BTBD18: variants seen among roughly 807,000 people sequenced by gnomAD.
The protein encoded by BTBD18 is BTB/POZ domain-containing protein 18.
For synonymous variants in BTBD18, 311 were observed against 324.4 expected (o/e 0.96, Z 0.44); for missense variants, 787 against 846.3 (o/e 0.93, Z 0.87).
intron 2 of BTBD18, among the ~76,000 whole-genome samples, chr11:57,750,241 G>T (rs938955489): frequency 1.3e-5 from 2 of 152,084 alleles, no homozygotes; most frequent in Non-Finnish European, 2.9e-5. Flanking sequence ...TCCGGGTGTG[G>T]TGGCACGCAC....
In BTBD18 at chr11:57,745,370, CCT is replaced by C; in HGVS notation, c.901_902del (p.Arg301GlufsTer4). The C allele has an allele frequency of 6.4e-7, 1 of 1,551,694 alleles. No individual in the cohort carries two copies. Among genetic ancestry groups the C allele is most frequent in the Non-Finnish European group, 8.7e-7 (1 of 1,146,992 alleles). Reference protein sequence around the residue: ...ATPGRRLWRQRSVNKETPEDK... With the variant: ...ATPGRRLWRQXSVNKETPEDK... ...CCTCTGGTGTTTCTTTATTTACACT[CCT>C]CTGCCGCCAAAGACGCCGGCCAGGG... On this transcript the variant is annotated frameshift_variant, in exon 3 of 3. Coordinates refer to ENST00000422652, the MANE Select transcript of BTBD18 (RefSeq NM_001145101.3). LOFTEE classifies it low-confidence loss of function (END_TRUNC).
At chr11:57,752,552 G>C (rs1335160657), upstream of BTBD18, among the ~76,000 whole-genome samples, 1 of 152,024 alleles carries the variant, frequency 6.6e-6, no homozygotes, top group Non-Finnish European at 1.5e-5. Flanking sequence ...TCCCATCCCA[G>C]TGAGAGAGAT....
chr11:57,746,765 C>T (rs1949201961), intron 2 of BTBD18, among the ~76,000 whole-genome samples: 1 of 131,974 alleles, frequency 7.6e-6, no homozygotes, highest in African/African-American at 2.8e-5. Context: ...GAGTCCAGGG[C>T]TTTGAGGCTA....
At position 57,744,029 on chromosome 11, in the gene BTBD18, C is replaced by G; in HGVS notation, c.*105G>C. On this transcript the variant is annotated 3_prime_UTR_variant, in exon 3 of 3. Coordinates refer to ENST00000422652, the MANE Select transcript of BTBD18 (RefSeq NM_001145101.3). ...GGACCTACAAAGAGCCAGGGTACACCTGCCTCTTGTGCTGAGGGCACGTGC... is the reference window on the plus strand; with the variant it reads ...GGACCTACAAAGAGCCAGGGTACACGTGCCTCTTGTGCTGAGGGCACGTGC... 1.2e-6 allele frequency: 1 copy of G among 823,092 alleles called. No homozygotes were observed. The highest frequency in any genetic ancestry group is 2.7e-5 in the East Asian group (1 of 37,282). The allele number at this position is 823,092 out of a possible 1,614,324, so 51.0% of individuals were successfully genotyped here.
intron 2 of BTBD18, among the ~76,000 whole-genome samples, chr11:57,749,289 C>G (rs181442172): frequency 6.6e-6 from 1 of 152,298 alleles, no homozygotes; most frequent in East Asian, 1.9e-4. Flanking sequence ...GTTTAGCATA[C>G]AACAGGCAAC....
In BTBD18 at chr11:57,745,883, C is replaced by T; in HGVS notation, c.390G>A (p.Leu130=). 1.3e-6 allele frequency: 2 copies of T among 1,551,646 alleles called. No individual in the cohort carries two copies. The highest frequency in any genetic ancestry group is 1.7e-6 in the Non-Finnish European group (2 of 1,146,988). ...LESLQLEGGK[L]VKAPQGRRLN... is the part of the protein sequence containing the mutation. ...GCCTTCGGCCCTGTGGGGCCTTCAC[C>T]AACTTTCCACCCTCAAGCTGAAGGG... Residue 130 remains leucine (L), a synonymous_variant, in exon 3 of 3, where the codon TTG becomes TTA. Coordinates refer to ENST00000422652, the MANE Select transcript of BTBD18 (RefSeq NM_001145101.3).
chr11:57,747,862 C>A (rs1365013721), intron 2 of BTBD18, among the ~76,000 whole-genome samples: 1 of 152,164 alleles, frequency 6.6e-6, no homozygotes, highest in African/African-American at 2.4e-5. Context: ...CACAGTGACA[C>A]AATCATAGCT....
Position 57,745,015 on chromosome 11 carries a change from A to T in BTBD18, c.1258T>A (p.Ser420Thr). 1 of 1,551,532 alleles carries T rather than the reference A, an allele frequency of 6.4e-7. No homozygotes were observed. The highest frequency in any genetic ancestry group is 8.7e-7 in the Non-Finnish European group (1 of 1,146,934). The change falls in exon 3 of 3, where the codon TCC becomes ACC. Residue 420 changes from serine to threonine, a missense_variant. Ser to Thr is a moderately conservative substitution (Grantham distance 58). Coordinates refer to ENST00000422652, the MANE Select transcript of BTBD18 (RefSeq NM_001145101.3). ...TCTTGTAGCTTAGTGCACATGGGGGAGTCCTGACACAGTTCTGTTCTAGTA... is the reference window on the plus strand; with the variant it reads ...TCTTGTAGCTTAGTGCACATGGGGGTGTCCTGACACAGTTCTGTTCTAGTA... The part of the protein sequence containing the change: ...SPTRTELCQD[S>T]PMCTKLQDIL...
chr11:57,744,799 T>C lies in BTBD18; in HGVS notation c.1474A>G (p.Ser492Gly). The C allele has an allele frequency of 6.4e-7, 1 of 1,551,748 alleles. No individual in the cohort carries two copies. The highest frequency in any genetic ancestry group is 2.4e-5 in the East Asian group (1 of 40,924). ...EYRITSAAAT[S>G]ELEEILDFML... ...AAGTCCAGGATCTCCTCCAGCTCAC[T>C]GGTGGCAGCAGCACTTGTGATTCGG... The change falls in exon 3 of 3, where the codon AGT becomes GGT. Residue 492 changes from serine to glycine, a missense_variant. Ser to Gly is a moderately conservative substitution (Grantham distance 56, BLOSUM62 0). Coordinates refer to ENST00000422652, the MANE Select transcript of BTBD18 (RefSeq NM_001145101.3).
intron 2 of BTBD18, among the ~76,000 whole-genome samples, chr11:57,747,259 C>T (rs1416909538): frequency 1.3e-5 from 2 of 152,190 alleles, no homozygotes; most frequent in African/African-American, 4.8e-5. Flanking sequence ...AGATCCATAC[C>T]TCTGCCTAGA....
rs989275426 is a variant in BTBD18, at chr11:57,744,273, G to A, written c.2000C>T (p.Ser667Leu). ...TTCCTCTTCAGAGCTGGCAGGAAGT[G>A]AGCCTAGTAGTTCAGAGTGACCAGA... ...EVSGHSELLG[S>L]LPASSEEEEI... Residue 667 changes from serine (S) to leucine (L), a missense_variant, in exon 3 of 3, where the codon TCA (serine) becomes TTA (leucine). Coordinates refer to ENST00000422652, the MANE Select transcript of BTBD18 (RefSeq NM_001145101.3). 3 of 1,551,596 alleles carry A rather than the reference G, an allele frequency of 1.9e-6. No individual in the cohort carries two copies. The highest frequency in any genetic ancestry group is 2.7e-5 in the African/African-American group (2 of 73,052).
intron 2 of BTBD18, among the ~76,000 whole-genome samples, chr11:57,749,528 C>T (rs1473123773): frequency 1.3e-5 from 2 of 152,028 alleles, no homozygotes; most frequent in African/African-American, 4.8e-5. Flanking sequence ...GCAGGTGGAT[C>T]ACCTGAGGTC....
In BTBD18 at chr11:57,744,345, G is replaced by A. The variant is rs1460823724; in HGVS notation, c.1928C>T (p.Thr643Ile). Residue 643 changes from threonine to isoleucine, a missense_variant, in exon 3 of 3, where the codon ACT becomes ATT. Thr to Ile is a moderately conservative substitution (Grantham distance 89). Coordinates refer to ENST00000422652, the MANE Select transcript of BTBD18 (RefSeq NM_001145101.3). ...WVETGLEVSL[T>I]TDELLYPSPK... ...AGAAGGGTATAATAACTCATCTGTAGTCAAGGAGACTTCCAGCCCAGTCTC... is the reference window on the plus strand; with the variant it reads ...AGAAGGGTATAATAACTCATCTGTAATCAAGGAGACTTCCAGCCCAGTCTC... The A allele has an allele frequency of 6.4e-7, 1 of 1,551,626 alleles. No homozygotes were observed. Among genetic ancestry groups the A allele is most frequent in the South Asian group, 1.2e-5 (1 of 84,058 alleles).
intron 2 of BTBD18, among the ~76,000 whole-genome samples, chr11:57,748,816 A>G (rs140303140): frequency 6.6e-4 from 100 of 152,326 alleles, no homozygotes; most frequent in African/African-American, 2.3e-3. Flanking sequence ...ATTAGATTAT[A>G]ACCTCCTGCG....
intron 2 of BTBD18, among the ~76,000 whole-genome samples, chr11:57,747,304 G>A (rs1949214465): frequency 6.6e-6 from 1 of 152,130 alleles, no homozygotes; most frequent in African/African-American, 2.4e-5. Flanking sequence ...ACCACAGCTG[G>A]CATGTCTACA....
At position 57,745,036 on chromosome 11, in the gene BTBD18, T is replaced by C. The variant is rs1359725496; in HGVS notation, c.1237A>G (p.Arg413Gly). Residue 413 changes from arginine (R) to glycine (G), a missense_variant, in exon 3 of 3, where the codon AGA becomes GGA. By Grantham distance (125) the Arg-to-Gly change is moderately radical. Coordinates refer to ENST00000422652, the MANE Select transcript of BTBD18 (RefSeq NM_001145101.3). ...GGGGAGTCCTGACACAGTTCTGTTC[T>C]AGTAGGTGACATTTCCTGCTCATTA... ...SSNEQEMSPT[R>G]TELCQDSPMC... is the part of the protein sequence containing the mutation. 1.3e-6 allele frequency: 2 copies of C among 1,551,672 alleles called. No individual in the cohort carries two copies. Among genetic ancestry groups the C allele is most frequent in the Non-Finnish European group, 8.7e-7 (1 of 1,146,950 alleles).
In BTBD18 at chr11:57,744,553, G is replaced by A. The variant is rs1426999439; in HGVS notation, c.1720C>T (p.Pro574Ser). 6 of 1,551,648 alleles carry A rather than the reference G, an allele frequency of 3.9e-6. No individual in the cohort carries two copies. The highest frequency in any genetic ancestry group is 5.2e-6 in the Non-Finnish European group (6 of 1,146,964). Residue 574 changes from proline to serine, a missense_variant, in exon 3 of 3, where the codon CCC (proline) becomes TCC (serine). Pro to Ser is a moderately conservative substitution (Grantham distance 74). Coordinates refer to ENST00000422652, the MANE Select transcript of BTBD18 (RefSeq NM_001145101.3). ...ENRGPTELLS[P>S]LVMPSEVSEV... ...CTCACCTCAGAGGGCATGACAAGGG[G>A]GCTAAGGAGCTCAGTTGGCCCTCTG...
In BTBD18 at chr11:57,744,187, C is replaced by T. The variant is rs1360590219; in HGVS notation, c.2086G>A (p.Val696Met). The change falls in exon 3 of 3, where the codon GTG becomes ATG. Residue 696 changes from valine to methionine, a missense_variant. Transcript: ENST00000422652. ...GRLVPTTVPS[V>M]WPDPSSESET... ...GACTCTGAGGAAGGGTCAGGCCACACGGAGGGAACAGTAGTGGGTACCAGC... is the reference window on the plus strand; with the variant it reads ...GACTCTGAGGAAGGGTCAGGCCACATGGAGGGAACAGTAGTGGGTACCAGC... 5.8e-6 allele frequency: 9 copies of T among 1,551,410 alleles called. No homozygotes were observed. Among genetic ancestry groups the T allele is most frequent in the Admixed American group, 2.0e-5 (1 of 50,974 alleles).
Position 57,745,341 on chromosome 11 carries a change from T to G in BTBD18, c.932A>C (p.Lys311Thr), listed in dbSNP as rs1398139728. 6.4e-7 allele frequency: 1 copy of G among 1,551,724 alleles called. No homozygotes were observed. The highest frequency in any genetic ancestry group is 2.0e-5 in the Admixed American group (1 of 51,006). ...RSVNKETPED[K>T]PKPGRASPLQ... ...AGGACTAGCTCTGCCTGGTTTTGGC[T>G]TGTCCTCTGGTGTTTCTTTATTTAC... The change falls in exon 3 of 3, where the codon AAG becomes ACG. Residue 311 changes from lysine to threonine, a missense_variant. Lys to Thr is a moderately conservative substitution (Grantham distance 78). Transcript: ENST00000422652.
Sources: allele counts gnomAD v4.1 joint callset (sites outside exome capture counted in the v4.1 genomes callset), GRCh38; gene constraint gnomAD v4.1.1; transcripts MANE v1.5; gene names NCBI Gene and HGNC (gene_info 2026-07-23, HGNC 2026-07-21).